RBBP8: variants seen among roughly 807,000 people sequenced by gnomAD.
RBBP8 encodes the protein RB binding protein 8, endonuclease.
A neutral mutation model predicts 108.3 loss-of-function variants in RBBP8; 88 were observed. The observed-to-expected ratio is 0.81, with a 90% confidence interval of 0.68 to 0.97. RBBP8 has a LOEUF of 0.97. Among genes scored for constraint, RBBP8 ranks in the 50% least tolerant of loss-of-function variants. The probability of loss-of-function intolerance (pLI) is 0.00; values close to 1 mark genes in which losing one functional copy is unlikely to be tolerated. For synonymous variants in RBBP8, 332 were observed against 348.2 expected, an observed-to-expected ratio of 0.95 and a Z score of 0.52; for missense variants, 1,023 against 1,049.0, an observed-to-expected ratio of 0.98 and a Z score of 0.34.
At chr18:22,999,516 C>T (rs1347754396) in intron 14 of RBBP8, among the ~76,000 whole-genome samples, 4 of 152,046 alleles carry the variant, frequency 2.6e-5, no homozygotes, top group Admixed American at 2.6e-4. Flanking sequence ...TCAGAGGTAA[C>T]ATAGTGTCAC....
chr18:23,017,641 G>A (rs975396272), intron 17 of RBBP8, among the ~76,000 whole-genome samples: 7 of 148,422 alleles, frequency 4.7e-5, no homozygotes, highest in Admixed American at 2.0e-4. Context: ...GCGAGAGAGC[G>A]AGACTCCGTC....
chr18:22,938,065 A>G lies in RBBP8; in HGVS notation c.109+1105A>G, dbSNP rs1474019236. Reference sequence around the variant, plus strand: ...TGGTCTTGAACTTCTGGGCTCAAGCAGTCCACTGGCCTCAGCCTCCCAAAG... The same window carrying G: ...TGGTCTTGAACTTCTGGGCTCAAGCGGTCCACTGGCCTCAGCCTCCCAAAG... On this transcript the variant is annotated intron_variant, in intron 2 of 18. Transcript: ENST00000327155. Among the ~76,000 whole-genome samples, 12 of 151,398 alleles carry G rather than the reference A, an allele frequency of 7.9e-5. No homozygotes were observed. In the East Asian group the frequency reaches 2.4e-3, roughly 30 times the overall value.
intron 5 of RBBP8, among the ~76,000 whole-genome samples, chr18:22,970,902 G>A (rs1269738401): frequency 6.6e-6 from 1 of 152,012 alleles, no homozygotes; most frequent in African/African-American, 2.4e-5. Flanking sequence ...GTTTAGGAAG[G>A]CTTTCTCTAT....
At chr18:23,010,407 G>A (rs937101896) in intron 16 of RBBP8, among the ~76,000 whole-genome samples, 1 of 151,968 alleles carries the variant, frequency 6.6e-6, no homozygotes, top group Non-Finnish European at 1.5e-5. Flanking sequence ...TTTGAGACCA[G>A]CCTGGGCAAC....
At chr18:23,012,208 C>A (rs9960479) in intron 16 of RBBP8, among the ~76,000 whole-genome samples, 87,051 of 109,726 alleles carry the variant, frequency 0.79, 33,714 homozygotes, top group Middle Eastern at 0.91. Context: ...ATGCTGTCTC[C>A]AAAAAAAAAA....
chr18:23,004,287 A>T (rs1457101950), intron 15 of RBBP8, among the ~76,000 whole-genome samples: 1 of 151,758 alleles, frequency 6.6e-6, no homozygotes, highest in Non-Finnish European at 1.5e-5. Flanking sequence ...ATATATATAC[A>T]CACACACACA....
At chr18:22,982,968 C>T (rs1396025855) in intron 7 of RBBP8, among the ~76,000 whole-genome samples, 2 of 152,130 alleles carry the variant, frequency 1.3e-5, no homozygotes, top group Admixed American at 6.6e-5. Context: ...GGTACTCCTG[C>T]CATTGGAGCT....
At chr18:22,960,881 G>A (rs1021064576) in intron 4 of RBBP8, among the ~76,000 whole-genome samples, 1 of 152,090 alleles carries the variant, frequency 6.6e-6, no homozygotes, top group African/African-American at 2.4e-5. Context: ...TAAATATTAC[G>A]GGTATGTCTG....
At chr18:23,022,637 T>TAAAATAAAATAAAATAAAAA (rs376205689) in intron 18 of RBBP8, among the ~76,000 whole-genome samples, 2 of 78,052 alleles carry the variant, frequency 2.6e-5, no homozygotes, top group Non-Finnish European at 5.2e-5. Context: ...TAAAATAAAA[T>TAAAATAAAATAAAATAAAAA]AAATAAAATA....
chr18:22,917,761 G>C (rs748707829), intron 3 of RBBP8, among the ~76,000 whole-genome samples: 2 of 152,068 alleles, frequency 1.3e-5, no homozygotes, highest in Non-Finnish European at 2.9e-5. Context: ...AGCACTTTGG[G>C]AGGCTGAGGC....
At chr18:22,956,406 C>T (rs954516203) in intron 4 of RBBP8, among the ~76,000 whole-genome samples, 1 of 152,106 alleles carries the variant, frequency 6.6e-6, no homozygotes. Flanking sequence ...ACCATCATAG[C>T]TCATTACAGC....
intron 6 of RBBP8, among the ~76,000 whole-genome samples, chr18:22,980,072 C>G (rs1366984649): frequency 3.3e-5 from 5 of 151,940 alleles, no homozygotes; most frequent in South Asian, 2.1e-4. Context: ...GTGGTGAAAC[C>G]CTGTCTCTAC....
intron 15 of RBBP8, 148 bp downstream of exon 15, chr18:23,001,877 G>T (rs2045954655): frequency 1.7e-6 from 2 of 1,192,180 alleles, no homozygotes; most frequent in Non-Finnish European, 2.3e-6. Flanking sequence ...TTAAAATTTT[G>T]AGATAATTTT....
intron 1 of RBBP8, chr18:22,934,132 C>T (rs2144377191): frequency 6.6e-6 from 1 of 152,338 alleles, no homozygotes; most frequent in East Asian, 1.9e-4. Flanking sequence ...AAATTACAGG[C>T]CTTTGAGCCC....
rs756021348 is a variant in RBBP8, at chr18:22,997,620, G to T, written c.2029G>T (p.Asp677Tyr). ...KMDVTVIDTK[D>Y]GSQSKLGGET... ...TTTGATTTTTAAAATATTTATTTAG[G>T]ATGGCAGTCAGTCAAAATTAGGAGG... is the stretch of plus-strand genomic sequence containing the variant. Residue 677 changes from aspartate to tyrosine, a missense_variant and splice_region_variant, in exon 14 of 19, where the codon GAT becomes TAT. Asp to Tyr is a radical substitution (Grantham distance 160, BLOSUM62 -3). Transcript: ENST00000327155. 1.3e-6 allele frequency: 2 copies of T among 1,568,492 alleles called. No homozygotes were observed. Among genetic ancestry groups the T allele is most frequent in the Admixed American group, 3.4e-5 (2 of 59,252 alleles).
At chr18:23,020,421 C>CAATA (rs557467999) in intron 17 of RBBP8, among the ~76,000 whole-genome samples, 152 of 151,742 alleles carry the variant, frequency 1.0e-3, no homozygotes, top group East Asian at 3.9e-3. Flanking sequence ...AACTCCATCT[C>CAATA]AATAAATAAA....
At chr18:22,914,504 C>T (rs562473957) in intron 1 of RBBP8, among the ~76,000 whole-genome samples, 3 of 152,082 alleles carry the variant, frequency 2.0e-5, no homozygotes, top group Non-Finnish European at 4.4e-5. Context: ...ATATAATATT[C>T]TCTTACTATG....
chr18:23,015,955 G>A (rs898586884), intron 16 of RBBP8, among the ~76,000 whole-genome samples: 1 of 151,994 alleles, frequency 6.6e-6, no homozygotes, highest in African/African-American at 2.4e-5. Context: ...TCTCACCCAG[G>A]CTAGAGTGCA....
intron 2 of RBBP8, among the ~76,000 whole-genome samples, chr18:22,943,145 C>A (rs1911245212): frequency 6.6e-6 from 1 of 151,780 alleles, no homozygotes; most frequent in South Asian, 2.1e-4. Flanking sequence ...AGGAATTGTC[C>A]CACTCATTAT....
Sources: gnomAD v4.1 joint callset for allele counts (sites outside exome capture counted in the v4.1 genomes callset) on GRCh38, gnomAD v4.1.1 for gene constraint, MANE v1.5 for transcripts, NCBI Gene and HGNC (gene_info 2026-07-23, HGNC 2026-07-21) for gene names.